EDA: variants seen among roughly 807,000 people sequenced by gnomAD.
The protein encoded by EDA is ectodysplasin-A.
A neutral mutation model predicts 23.6 loss-of-function variants in EDA; 2 were observed. That is an observed-to-expected ratio of 0.08 (90% CI 0.03 to 0.27). The LOEUF (loss-of-function observed/expected upper bound fraction) is 0.27. Ranked by LOEUF, EDA falls within the 10% of genes least tolerant of loss-of-function variation. The pLI is 1.00. For synonymous variants in EDA, 131 were observed against 132.0 expected (o/e 0.99, Z 0.05); for missense variants, 229 against 324.2 (o/e 0.71, Z 2.26).
intron 1 of EDA, among the ~76,000 whole-genome samples, chrX:69,728,374 T>TA (rs2012890170): frequency 8.9e-6 from 1 of 112,133 alleles, no homozygotes; most frequent in African/African-American, 3.2e-5. Flanking sequence ...TGGTGCCACC[T>TA]AGAAGGTGAC....
chrX:69,726,590 T>A (rs1166362579), intron 1 of EDA, among the ~76,000 whole-genome samples: 1 of 112,692 alleles, frequency 8.9e-6, no homozygotes, highest in African/African-American at 3.2e-5. Flanking sequence ...CCAGGTATGT[T>A]AGTTTGCTAA....
intron 1 of EDA, among the ~76,000 whole-genome samples, chrX:69,773,175 C>T (rs1014189249): frequency 5.3e-5 from 6 of 112,223 alleles, no homozygotes; most frequent in Admixed American, 9.5e-5. Flanking sequence ...CACACCTTTA[C>T]GATTAGCTTC....
chrX:69,911,943 T>G (rs932153737), intron 1 of EDA, among the ~76,000 whole-genome samples: 6 of 112,406 alleles, frequency 5.3e-5, no homozygotes, highest in African/African-American at 1.9e-4. Flanking sequence ...ATCAATTGAC[T>G]ATTGTTTTCA....
Position 70,033,537 on chromosome X carries a change from G to T in EDA, c.924+9G>T. The T allele has an allele frequency of 8.3e-7, 1 of 1,210,313 alleles. No homozygotes were observed. The highest frequency in any genetic ancestry group is 1.1e-6 in the Non-Finnish European group (1 of 894,984). ...TCTATAGTCAGGTAGAAGTGAGTAC[G>T]GTCTTAGGCCTAACTCTTCTTATAT... On this transcript the variant is annotated intron_variant, in intron 7 of 7. Transcript: ENST00000374552.
At chrX:69,868,865 C>A (rs1222396724) in intron 1 of EDA, among the ~76,000 whole-genome samples, 1 of 112,061 alleles carries the variant, frequency 8.9e-6, no homozygotes, top group African/African-American at 3.2e-5. Flanking sequence ...ACATCTGGTA[C>A]AACAGCTGCA....
At chrX:69,780,847 T>A (rs897055676) in intron 1 of EDA, among the ~76,000 whole-genome samples, 1 of 110,982 alleles carries the variant, frequency 9.0e-6, no homozygotes, top group African/African-American at 3.3e-5. Context: ...TGTGAGTCAA[T>A]TAAACCTCTT....
chrX:69,772,888 G>A (rs182305754), intron 1 of EDA, among the ~76,000 whole-genome samples: 254 of 111,537 alleles, frequency 2.3e-3, no homozygotes, highest in African/African-American at 7.8e-3. Flanking sequence ...CCATAGATAG[G>A]CATCTAGGTT....
intron 1 of EDA, among the ~76,000 whole-genome samples, chrX:69,646,193 G>T (rs1454639721): frequency 9.0e-6 from 1 of 111,210 alleles, no homozygotes; most frequent in Admixed American, 9.6e-5. Context: ...ATAGATATCA[G>T]GTCCACTTGA....
chrX:69,960,031 G>A (rs1412557033), intron 2 of EDA, among the ~76,000 whole-genome samples: 1 of 111,697 alleles, frequency 9.0e-6, no homozygotes, highest in Non-Finnish European at 1.9e-5. Flanking sequence ...AAGGACTCTG[G>A]CTTTTATTCT....
At chrX:69,643,442 GTTGT>G (rs1054953275) in intron 1 of EDA, among the ~76,000 whole-genome samples, 10 of 110,602 alleles carry the variant, frequency 9.0e-5, no homozygotes, top group African/African-American at 2.6e-4. Context: ...TCTAGTAAGA[GTTGT>G]TTGTTTGTTT....
chrX:69,795,813 C>T (rs2015527674), intron 1 of EDA, among the ~76,000 whole-genome samples: 1 of 110,842 alleles, frequency 9.0e-6, no homozygotes, highest in African/African-American at 3.3e-5. Flanking sequence ...CTGGGGATCA[C>T]CTCACCCCAT....
At chrX:69,726,398 A>G (rs1275466456) in intron 1 of EDA, among the ~76,000 whole-genome samples, 1 of 111,927 alleles carries the variant, frequency 8.9e-6, no homozygotes, top group Non-Finnish European at 1.9e-5. Context: ...AGAAAATACC[A>G]TTTTTCACAA....
rs1051585310 is a variant in EDA, at chrX:70,036,359, G to A, written c.*750G>A. The A allele has an allele frequency of 8.9e-6, 1 of 111,788 alleles. No homozygotes were observed. The highest frequency in any genetic ancestry group is 1.9e-5 in the Non-Finnish European group (1 of 53,044). 9.2% of individuals were successfully genotyped at this position (111,788 alleles called of 1,213,427 possible). A position where few individuals can be genotyped will look rare whatever the true frequency, so the allele number is the denominator to read the frequency against. ...TCACATGACTCTCATTTTATTTACA[G>A]CTGTGCTCCACACTCAGAAAATTCC... On this transcript the variant is annotated 3_prime_UTR_variant, in exon 8 of 8. Transcript: ENST00000374552.
chrX:69,654,418 A>G (rs1190398858), intron 1 of EDA, among the ~76,000 whole-genome samples: 2 of 111,456 alleles, frequency 1.8e-5, no homozygotes, highest in East Asian at 5.6e-4. Context: ...AACTAGAAAT[A>G]CCATTTGAAC....
At chrX:69,859,506 AG>A (rs1326818132) in intron 1 of EDA, among the ~76,000 whole-genome samples, 3 of 112,221 alleles carry the variant, frequency 2.7e-5, no homozygotes, top group Non-Finnish European at 3.8e-5. Context: ...ATTCAGGAGC[AG>A]GTTATTCAAT....
chrX:69,849,080 TATACACAC>T (rs1556018383), intron 1 of EDA, among the ~76,000 whole-genome samples: 13,636 of 84,547 alleles, frequency 0.16, 712 homozygotes, highest in Non-Finnish European at 0.18. Flanking sequence ...ACAAAGTCTA[TATACACAC>T]ACACACACAC....
At chrX:69,887,837 G>A (rs2017852710) in intron 1 of EDA, among the ~76,000 whole-genome samples, 1 of 111,485 alleles carries the variant, frequency 9.0e-6, no homozygotes, top group Admixed American at 9.6e-5. Flanking sequence ...TCTGTCTTTT[G>A]GAAATGAAGG....
chrX:69,807,317 G>A (rs952267367), intron 1 of EDA, among the ~76,000 whole-genome samples: 12 of 104,912 alleles, frequency 1.1e-4, no homozygotes, highest in African/African-American at 3.5e-4. Context: ...CCATATCTGG[G>A]TAAGAGCTAT....
In EDA at chrX:69,709,333, C is replaced by T. The variant is rs755213205; in HGVS notation, c.396+92629C>T. Among the ~76,000 whole-genome samples, 7 of 111,880 alleles carry T rather than the reference C, an allele frequency of 6.3e-5. No homozygotes were observed. The Admixed American group carries it at 6.7e-4, about 11-fold the overall frequency. ...TGGTTTTCAAACCATCAGTGGAAAT[C>T]TTGAAGGATATGTGGCCTTTTAGCA... is the stretch of plus-strand genomic sequence containing the variant. On this transcript the variant is annotated intron_variant, in intron 1 of 7. Transcript: ENST00000374552.
Sources: allele counts gnomAD v4.1 joint callset (sites outside exome capture counted in the v4.1 genomes callset), GRCh38; gene constraint gnomAD v4.1.1; transcripts MANE v1.5; gene names NCBI Gene and HGNC (gene_info 2026-07-23, HGNC 2026-07-21).